TMEM132D: variants seen among roughly 807,000 people sequenced by gnomAD.
TMEM132D encodes transmembrane protein 132D.
Under a neutral mutation model 62.3 loss-of-function variants are expected in TMEM132D, and 21 were observed. That is an observed-to-expected ratio of 0.34 (90% CI 0.24 to 0.49). TMEM132D has a LOEUF of 0.49. Among genes scored for constraint, TMEM132D ranks in the 20% least tolerant of loss-of-function variants. TMEM132D has a pLI of 0.99. For missense variants in TMEM132D, 1,346 were observed against 1,402.8 expected (o/e 0.96, Z 0.65); for synonymous variants, 621 against 575.6 (o/e 1.08, Z -1.13).
intron 1 of TMEM132D, among the ~76,000 whole-genome samples, chr12:129,801,881 C>G (rs1454451281): frequency 6.6e-6 from 1 of 151,118 alleles, no homozygotes; most frequent in African/African-American, 2.5e-5. Flanking sequence ...TCGAGAACTA[C>G]GTGAAGAATG....
rs543975729 is a variant in TMEM132D at position 129,082,976 on chromosome 12, C to T, written c.1650-944G>A. The stretch of plus-strand genomic sequence containing the variant: ...CTGAGCTTAAGCCATCTGCCTGCCT[C>T]GGCCTCCCAAAGTGCTGGGACTACA... On this transcript the variant is annotated intron_variant, in intron 6 of 8. Transcript: ENST00000422113. Among the ~76,000 whole-genome samples, 7 of 152,270 alleles carry T rather than the reference C, an allele frequency of 4.6e-5. No individual in the cohort carries two copies. In the South Asian group the frequency reaches 8.3e-4, roughly 18 times the overall value.
chr12:129,547,896 C>A (rs12321807), intron 2 of TMEM132D, among the ~76,000 whole-genome samples: 1 of 152,110 alleles, frequency 6.6e-6, no homozygotes, highest in African/African-American at 2.4e-5. Context: ...AGCTAGTGGG[C>A]GGCCGACTCC....
Position 129,155,325 on chromosome 12 carries a change from G to T in TMEM132D, c.1443+54195C>A, listed in dbSNP as rs1321437329. ...TACATGCATCTTGATGGTGATTATGGAGTGATTTTATTTTCTTTACCTTTA... is the reference window on the plus strand; with the variant it reads ...TACATGCATCTTGATGGTGATTATGTAGTGATTTTATTTTCTTTACCTTTA... On this transcript the variant is annotated intron_variant, in intron 5 of 8. Transcript: ENST00000422113. 2.6e-5 allele frequency among the ~76,000 whole-genome samples: 4 copies of T among 152,148 alleles called. No individual in the cohort carries two copies. In the East Asian group the frequency reaches 7.7e-4, roughly 29 times the overall value.
intron 5 of TMEM132D, among the ~76,000 whole-genome samples, chr12:129,183,369 C>A (rs1336247015): frequency 6.6e-6 from 1 of 152,216 alleles, no homozygotes; most frequent in African/African-American, 2.4e-5. Context: ...TCATTATCTT[C>A]TGCCTATGGT....
chr12:129,717,673 A>T (rs929615985), intron 1 of TMEM132D, among the ~76,000 whole-genome samples: 2 of 150,310 alleles, frequency 1.3e-5, no homozygotes, highest in Non-Finnish European at 3.0e-5. Flanking sequence ...ATAATTTTTT[A>T]AATTTTAATA....
chr12:129,743,499 T>G (rs1869673796), intron 1 of TMEM132D, among the ~76,000 whole-genome samples: 1 of 152,172 alleles, frequency 6.6e-6, no homozygotes, highest in Non-Finnish European at 1.5e-5. Flanking sequence ...GGTTGTAAGT[T>G]TCCTGAGGCC....
intron 1 of TMEM132D, among the ~76,000 whole-genome samples, chr12:129,768,619 G>A (rs4760010): frequency 6.6e-6 from 1 of 152,094 alleles, no homozygotes; most frequent in Non-Finnish European, 1.5e-5. Flanking sequence ...TACATCATCA[G>A]TTCAAGACCT....
chr12:129,753,728 GT>G (rs1565974091), intron 1 of TMEM132D, among the ~76,000 whole-genome samples: 1 of 152,096 alleles, frequency 6.6e-6, no homozygotes, highest in African/African-American at 2.4e-5. Flanking sequence ...TTTTTTGCGT[GT>G]TTCCTATTAT....
rs199534511 is a variant in TMEM132D, at chr12:129,666,854, GATA to G, written c.968+32953_968+32955del. 9.1e-3 allele frequency among the ~76,000 whole-genome samples: 1,391 copies of G among 152,234 alleles called. 10 individuals carry two copies. The highest frequency in any genetic ancestry group is 0.016 in the Non-Finnish European group (1,083 of 67,994). On this transcript the variant is annotated intron_variant, in intron 2 of 8. Transcript: ENST00000422113. ...TGTAGGGAATGTGTTTTTGGTAAAA[GATA>G]ATAAGAAGGCATGATAATATGGTTT...
At chr12:129,259,012 G>A (rs1368736459) in intron 4 of TMEM132D, among the ~76,000 whole-genome samples, 1 of 152,116 alleles carries the variant, frequency 6.6e-6, no homozygotes, top group Non-Finnish European at 1.5e-5. Flanking sequence ...ATGTGTCTTG[G>A]GTAGAGTCTA....
chr12:129,604,957 A>G (rs61943514), intron 2 of TMEM132D, among the ~76,000 whole-genome samples: 8,944 of 152,264 alleles, frequency 0.059, 392 homozygotes, highest in South Asian at 0.11. Flanking sequence ...GAGGAGATGC[A>G]AGATACTTAT....
intron 3 of TMEM132D, among the ~76,000 whole-genome samples, chr12:129,382,826 G>A (rs1277476509): frequency 2.0e-5 from 3 of 152,166 alleles, no homozygotes; most frequent in Non-Finnish European, 4.4e-5. Flanking sequence ...AGGGGGAGAA[G>A]TCCTAGTTTG....
Position 129,371,769 on chromosome 12 carries a change from G to A in TMEM132D, c.1116-33952C>T, listed in dbSNP as rs913027737. 6.6e-6 allele frequency among the ~76,000 whole-genome samples: 1 copy of A among 152,126 alleles called. No individual in the cohort carries two copies. The highest frequency in any genetic ancestry group is 2.1e-4 in the South Asian group (1 of 4,824). On this transcript the variant is annotated intron_variant, in intron 3 of 8. Transcript: ENST00000422113. The surrounding 1 kb of genome is among the most constrained non-coding windows in gnomAD (Gnocchi z 4.3). Reference sequence around the variant, plus strand: ...CATGGAAGTCTATACATAGCTTTACGTATCTGCTGAACCTAGTTCAGTGTG... The same window carrying A: ...CATGGAAGTCTATACATAGCTTTACATATCTGCTGAACCTAGTTCAGTGTG...
intron 2 of TMEM132D, among the ~76,000 whole-genome samples, chr12:129,610,714 CAAGT>C (rs1256109238): frequency 6.6e-6 from 1 of 151,110 alleles, no homozygotes; most frequent in African/African-American, 2.4e-5. Context: ...GAATTACAAG[CAAGT>C]AAGTAATTGA....
chr12:129,379,164 T>A (rs1870865599), intron 3 of TMEM132D, among the ~76,000 whole-genome samples: 1 of 152,156 alleles, frequency 6.6e-6, no homozygotes, highest in Non-Finnish European at 1.5e-5. Flanking sequence ...TTATTTGAGA[T>A]CTGAATTTGG....
At chr12:129,524,683 T>G (rs1875959411) in intron 3 of TMEM132D, among the ~76,000 whole-genome samples, 1 of 151,868 alleles carries the variant, frequency 6.6e-6, no homozygotes, top group South Asian at 2.1e-4. Context: ...GGACGCAGGT[T>G]TTAAATCTTA....
chr12:129,253,712 G>A (rs1211604705), intron 4 of TMEM132D, among the ~76,000 whole-genome samples: 1 of 152,108 alleles, frequency 6.6e-6, no homozygotes, highest in Non-Finnish European at 1.5e-5. Flanking sequence ...GGTGCTATCT[G>A]GGGGCTGCCT....
rs528611133 is a variant in TMEM132D, at chr12:129,757,150, G to T, written c.80-56452C>A. Among the ~76,000 whole-genome samples, 134 of 143,370 alleles carry T rather than the reference G, an allele frequency of 9.3e-4. 1 individual carries two copies. Among genetic ancestry groups the T allele is most frequent in the African/African-American group, 3.3e-3 (129 of 39,126 alleles). The allele number at this position is 143,370 out of a possible 152,430, so 94.1% of individuals were successfully genotyped here. The stretch of plus-strand genomic sequence containing the variant: ...AATAAGAAGAATGCTCTCCAATTTG[G>T]TTATTCATCTTTTATAACTATAAAG... On this transcript the variant is annotated intron_variant, in intron 1 of 8. Coordinates refer to ENST00000422113, the MANE Select transcript of TMEM132D (RefSeq NM_133448.3).
Position 129,446,930 on chromosome 12 carries a change from G to A in TMEM132D, c.1115+84129C>T, listed in dbSNP as rs143132016. ...ATAAATGCTTCGGATATGGAGCATA[G>A]TATTAGCAAGCACACAGCAAAGTCC... On this transcript the variant is annotated intron_variant, in intron 3 of 8. Transcript: ENST00000422113. Among the ~76,000 whole-genome samples the A allele has an allele frequency of 3.2e-3, 491 of 152,328 alleles. 1 individual carries two copies. Among genetic ancestry groups the A allele is most frequent in the Admixed American group, 7.1e-3 (109 of 15,302 alleles).
Sources: gnomAD v4.1 joint callset for allele counts (sites outside exome capture counted in the v4.1 genomes callset) on GRCh38, gnomAD v4.1.1 for gene constraint, Gnocchi (gnomAD v3.1) non-coding constraint, MANE v1.5 for transcripts, NCBI Gene and HGNC (gene_info 2026-07-23, HGNC 2026-07-21) for gene names.